DPP6: variants seen among roughly 807,000 people sequenced by gnomAD.
The protein encoded by DPP6 is dipeptidyl peptidase like 6, also known as A-type potassium channel modulatory protein DPP6.
DPP6 carries 69 observed loss-of-function variants against 122.6 expected under a neutral mutation model. That is an observed-to-expected ratio of 0.56 (90% CI 0.46 to 0.69). The LOEUF is 0.69. Among genes scored for constraint, DPP6 ranks in the 30% least tolerant of loss-of-function variants. DPP6 has a pLI of 0.00. For synonymous variants in DPP6, 418 were observed against 433.1 expected (o/e 0.97, Z 0.43); for missense variants, 928 against 1,116.9 (o/e 0.83, Z 2.41).
chr7:153,861,644 T>G, the DPP6 span, among the ~76,000 whole-genome samples: 1 of 152,170 alleles, frequency 6.6e-6, no homozygotes, highest in African/African-American at 2.4e-5. Flanking sequence ...ATGAGGGAAA[T>G]GCAATTGGCT....
At chr7:154,653,420 G>T (rs532723046) in intron 6 of DPP6, among the ~76,000 whole-genome samples, 1 of 152,240 alleles carries the variant, frequency 6.6e-6, no homozygotes, top group East Asian at 1.9e-4. Context: ...ATAGATAGAT[G>T]ATGGATAGAT....
In DPP6 at chr7:154,052,523, G is replaced by A. The variant is rs1800425648; in HGVS notation, c.-298G>A. The A allele has an allele frequency of 3.8e-6, 3 of 791,994 alleles. No homozygotes were observed. Among genetic ancestry groups the A allele is most frequent in the Middle Eastern group, 5.6e-4 (1 of 1,782 alleles). The allele number at this position is 791,994 out of a possible 1,614,324, so 49.1% of individuals were successfully genotyped here. On this transcript the variant is annotated 5_prime_UTR_variant, in exon 1 of 26. Transcript: ENST00000377770. The surrounding 1 kb of genome is among the most constrained non-coding windows in gnomAD (Gnocchi z 4.8). ...AGGCCGTACGTGGCTGTGGCAAGGAGTTGGGGAAAAAAATTATAAAAACAG... is the reference window on the plus strand; with the variant it reads ...AGGCCGTACGTGGCTGTGGCAAGGAATTGGGGAAAAAAATTATAAAAACAG...
In DPP6 at chr7:154,880,931, G is replaced by GTGT; in HGVS notation, c.2124_2126dup (p.Val708_Phe709insLeu). The GTGT allele has an allele frequency of 6.2e-7, 1 of 1,613,942 alleles. No individual in the cohort carries two copies. The highest frequency in any genetic ancestry group is 8.5e-7 in the Non-Finnish European group (1 of 1,179,874). On this transcript the variant is annotated inframe_insertion, in exon 21 of 26. Transcript: ENST00000377770. Reference sequence around the variant, plus strand: ...GTACATTGACAGGACGCGCGTGGCCGTGTTTGGGAAGGTGAGTCTGCGCCA... The same window carrying GTGT: ...GTACATTGACAGGACGCGCGTGGCCGTGTTGTTTGGGAAGGTGAGTCTGCGCCA...
the DPP6 span, among the ~76,000 whole-genome samples, chr7:153,812,921 G>A: frequency 1.3e-5 from 2 of 152,170 alleles, no homozygotes; most frequent in Admixed American, 6.5e-5. Context: ...AAAAAGAGAC[G>A]TCTTTACATG....
chr7:154,626,507 A>G (rs897452551), intron 5 of DPP6, among the ~76,000 whole-genome samples: 5 of 152,224 alleles, frequency 3.3e-5, no homozygotes, highest in Non-Finnish European at 5.9e-5. Context: ...TGCGAGAAAC[A>G]TTCTCTATCA....
chr7:153,987,590 A>G (rs115957823), intron 1 of DPP6, among the ~76,000 whole-genome samples: 3,496 of 152,170 alleles, frequency 0.023, 121 homozygotes, highest in African/African-American at 0.072. Flanking sequence ...ACTAAATGTC[A>G]ATCTCATTCC....
intron 1 of DPP6, among the ~76,000 whole-genome samples, chr7:154,330,153 C>T (rs1028153268): frequency 2.0e-5 from 3 of 152,184 alleles, no homozygotes; most frequent in African/African-American, 7.2e-5. Flanking sequence ...ACCTATGTAA[C>T]AAACCTGCAC....
the DPP6 span, among the ~76,000 whole-genome samples, chr7:153,808,279 GTGTGTGCCTGTGTGTGTGTCTGCGCACA>G: frequency 9.4e-5 from 14 of 149,076 alleles, no homozygotes; most frequent in South Asian, 6.4e-4. Context: ...GTGTGCGCAC[GTGTGTGCCTGTGTGTGTGTCTGCGCACA>G]TGTGTGCCTG....
intron 1 of DPP6, among the ~76,000 whole-genome samples, chr7:153,977,719 C>G (rs192381866): frequency 6.8e-5 from 10 of 147,120 alleles, no homozygotes; most frequent in Non-Finnish European, 1.4e-4. Flanking sequence ...TCCCCCACCC[C>G]CGACAGACCC....
chr7:154,169,228 C>T (rs761412711), intron 1 of DPP6, among the ~76,000 whole-genome samples: 4 of 152,048 alleles, frequency 2.6e-5, no homozygotes, highest in African/African-American at 4.8e-5. Context: ...GGCAAGAACC[C>T]GGTTGGCCTG....
chr7:154,256,183 G>A (rs1802648378), intron 1 of DPP6, among the ~76,000 whole-genome samples: 1 of 152,200 alleles, frequency 6.6e-6, no homozygotes, highest in African/African-American at 2.4e-5. Flanking sequence ...GATGAATTAT[G>A]AGACCCAATT....
rs1232467742 is a variant in DPP6, at chr7:154,422,682, A to G, written c.244-23532A>G. 1.8e-4 allele frequency among the ~76,000 whole-genome samples: 7 copies of G among 39,566 alleles called. 1 individual carries two copies. The South Asian group carries it at 5.3e-3, about 30-fold the overall frequency. The allele number at this position is 39,566 out of a possible 152,430, so 26.0% of individuals were successfully genotyped here. ...GGTGGATGGGTGGGTGGATGGGTGG[A>G]TGGATGGATGGTGAGTGGGTGGGTA... On this transcript the variant is annotated intron_variant, in intron 1 of 25. Transcript: ENST00000377770.
At chr7:154,686,404 C>A (rs1379369800) in intron 7 of DPP6, among the ~76,000 whole-genome samples, 1 of 131,678 alleles carries the variant, frequency 7.6e-6, no homozygotes, top group African/African-American at 2.6e-5. Context: ...GTATTCAAGG[C>A]CACCATAAGG....
chr7:154,599,192 G>A lies in DPP6; in HGVS notation c.627+32276G>A, dbSNP rs1177347452. Among the ~76,000 whole-genome samples the A allele has an allele frequency of 3.3e-5, 5 of 152,300 alleles. No homozygotes were observed. In the East Asian group the frequency reaches 7.7e-4, roughly 24 times the overall value. ...AAGAGCATATTGATGCTTTGGTAGA[G>A]AACTCAGCAGTCTCCCCTCTCTGTA... On this transcript the variant is annotated intron_variant, in intron 5 of 25. Transcript: ENST00000377770.
intron 1 of DPP6, among the ~76,000 whole-genome samples, chr7:154,344,426 C>T (rs1460665257): frequency 1.3e-5 from 2 of 152,034 alleles, no homozygotes; most frequent in African/African-American, 2.4e-5. Context: ...CAAATGCTGG[C>T]GAGGATGTGG....
At chr7:154,145,043 A>G (rs558525582) in intron 1 of DPP6, among the ~76,000 whole-genome samples, 3,365 of 140,316 alleles carry the variant, frequency 0.024, no homozygotes, top group African/African-American at 0.095. Context: ...CAAAATGCTC[A>G]CTTGGCCCTG....
At chr7:154,171,606 A>G (rs1248726428) in intron 1 of DPP6, among the ~76,000 whole-genome samples, 1 of 152,114 alleles carries the variant, frequency 6.6e-6, no homozygotes, top group African/African-American at 2.4e-5. Context: ...GGCAGCCATT[A>G]CCATCTCCCA....
intron 1 of DPP6, among the ~76,000 whole-genome samples, chr7:154,437,578 G>T (rs1233968540): frequency 1.3e-5 from 2 of 152,344 alleles, no homozygotes; most frequent in South Asian, 4.1e-4. Flanking sequence ...CTACCTGCTA[G>T]TAGAATCACC....
At chr7:153,750,058 C>A in the DPP6 span, among the ~76,000 whole-genome samples, 1 of 152,018 alleles carries the variant, frequency 6.6e-6, no homozygotes, top group Non-Finnish European at 1.5e-5. Context: ...ATGTATTAGC[C>A]CACAATATCA....
Sources: allele counts gnomAD v4.1 joint callset (sites outside exome capture counted in the v4.1 genomes callset), GRCh38; gene constraint gnomAD v4.1.1; non-coding constraint Gnocchi (gnomAD v3.1); transcripts MANE v1.5; gene names NCBI Gene and HGNC (gene_info 2026-07-23, HGNC 2026-07-21).